CPAMD8: variants seen among roughly 807,000 people sequenced by gnomAD.
CPAMD8 encodes C3 and PZP like alpha-2-macroglobulin domain containing 8, also known as C3 and PZP-like alpha-2-macroglobulin domain-containing protein 8.
A neutral mutation model predicts 224.7 loss-of-function variants in CPAMD8; 146 were observed. The ratio of observed to expected loss-of-function variants is 0.65; its 90% confidence interval spans 0.57 to 0.75. The LOEUF is 0.75. CPAMD8 is among the 30% of genes least tolerant of loss of function. CPAMD8 has a pLI of 0.00. For missense variants in CPAMD8, 2,301 were observed against 2,537.5 expected (o/e 0.91, Z 2.00); for synonymous variants, 966 against 1,044.6 (o/e 0.92, Z 1.45).
intron 29 of CPAMD8, among the ~76,000 whole-genome samples, chr19:16,911,075 A>G (rs1003216229): frequency 1.3e-5 from 2 of 152,212 alleles, no homozygotes; most frequent in African/African-American, 2.4e-5. Flanking sequence ...TGAAGACAGC[A>G]GGTTTTGCCT....
intron 23 of CPAMD8, among the ~76,000 whole-genome samples, chr19:16,936,341 C>T (rs1265352640): frequency 1.3e-5 from 2 of 152,012 alleles, no homozygotes; most frequent in South Asian, 4.2e-4. Flanking sequence ...GTGCAATTTG[C>T]CATCTGTATG....
Position 16,895,903 on chromosome 19 carries a change from G to GCACA in CPAMD8, c.5426+269_5426+272dup, listed in dbSNP as rs57280906. 557 of 524,718 alleles carry GCACA rather than the reference G, an allele frequency of 1.1e-3. 1 individual carries two copies. The highest frequency in any genetic ancestry group is 3.0e-3 in the South Asian group (180 of 60,458). The allele number at this position is 524,718 out of a possible 1,614,324, so 32.5% of individuals were successfully genotyped here. A position where few individuals can be genotyped will look rare whatever the true frequency, so the allele number is the denominator to read the frequency against. On this transcript the variant is annotated intron_variant, in intron 41 of 41. Coordinates refer to ENST00000443236, the MANE Select transcript of CPAMD8 (RefSeq NM_015692.5). ...CCCGTATGCGCGCGCGCGCGCGCACGCACACACACACACACACACACACAC... is the reference window on the plus strand; with the variant it reads ...CCCGTATGCGCGCGCGCGCGCGCACGCACACACACACACACACACACACACACAC...
At chr19:16,925,698 TC>T (rs1157639540) in intron 25 of CPAMD8, among the ~76,000 whole-genome samples, 1 of 152,210 alleles carries the variant, frequency 6.6e-6, no homozygotes, top group Non-Finnish European at 1.5e-5. Context: ...TTTGGTTGCA[TC>T]CTACAAATAT....
chr19:17,009,875 C>T (rs2056601238), intron 5 of CPAMD8, among the ~76,000 whole-genome samples: 1 of 152,162 alleles, frequency 6.6e-6, no homozygotes, highest in Admixed American at 6.6e-5. Flanking sequence ...TGGGTGCCTC[C>T]TGATACAAGG....
At chr19:16,991,234 C>T (rs1022944670) in intron 12 of CPAMD8, among the ~76,000 whole-genome samples, 6 of 152,172 alleles carry the variant, frequency 3.9e-5, no homozygotes, top group Admixed American at 2.0e-4. Flanking sequence ...GCCCAGACCT[C>T]ACCCTATGCA....
At chr19:17,010,138 A>G (rs2056607034) in intron 5 of CPAMD8, among the ~76,000 whole-genome samples, 1 of 152,200 alleles carries the variant, frequency 6.6e-6, no homozygotes, top group African/African-American at 2.4e-5. Flanking sequence ...CAGCAAAGAA[A>G]CATGCTATAA....
At chr19:17,001,320 GAAAAA>G (rs1170361586) in intron 9 of CPAMD8, among the ~76,000 whole-genome samples, 2 of 42,462 alleles carry the variant, frequency 4.7e-5, no homozygotes, top group South Asian at 8.8e-4. Flanking sequence ...GACTCCGTCT[GAAAAA>G]AAAAAAAAAA....
Position 16,928,078 on chromosome 19 carries a change from C to T in CPAMD8, c.3301G>A (p.Glu1101Lys), listed in dbSNP as rs368976585. ...TGTGGGACCCCCAGGGTGAAGGCCT[C>T]GCTGTAGCTCTCGTCCACCTCCATC... ...RKMEVDESYS[E>K]AFTLGVPHGA... Residue 1101 changes from glutamate (E) to lysine (K), a missense_variant, in exon 25 of 42, where the codon GAG (glutamate) becomes AAG (lysine). This residue lies in a region of CPAMD8 where 1,709 missense variants were observed against 1,753.2 expected (regional missense o/e 0.97). Transcript: ENST00000443236. The T allele has an allele frequency of 1.0e-4, 169 of 1,613,888 alleles. No individual in the cohort carries two copies. Among genetic ancestry groups the T allele is most frequent in the Middle Eastern group, 4.9e-4 (3 of 6,082 alleles).
intron 18 of CPAMD8, among the ~76,000 whole-genome samples, chr19:16,963,469 A>G (rs2054720544): frequency 1.3e-5 from 2 of 152,158 alleles, no homozygotes; most frequent in Admixed American, 6.6e-5. Flanking sequence ...ATGGTAAAGG[A>G]ATCAATTCAA....
At chr19:17,002,455 C>G (rs979685314) in intron 8 of CPAMD8, 105 bp from the exon 9 acceptor site, 4 of 722,810 alleles carry the variant, frequency 5.5e-6, no homozygotes, top group Admixed American at 4.3e-5. Context: ...ACCTGGCCAC[C>G]ACCGAGGTTG....
chr19:16,999,347 G>A (rs59135513), intron 10 of CPAMD8, among the ~76,000 whole-genome samples: 8,698 of 152,036 alleles, frequency 0.057, 285 homozygotes, highest in African/African-American at 0.088. Context: ...TTGGGAGGCC[G>A]AGGCAGGTGG....
At chr19:16,896,112 G>A in intron 41 of CPAMD8, 64 bp downstream of exon 41, 4 of 1,584,422 alleles carry the variant, frequency 2.5e-6, no homozygotes, top group Non-Finnish European at 3.5e-6. Context: ...GAGGTTGGTA[G>A]GGGAGGGAGG....
chr19:17,005,709 G>A (rs903287307), intron 7 of CPAMD8, among the ~76,000 whole-genome samples: 8 of 152,268 alleles, frequency 5.3e-5, no homozygotes, highest in Non-Finnish European at 1.0e-4. Flanking sequence ...TGGGTCTCAC[G>A]ACAGAACCGA....
chr19:16,947,420 C>A (rs933260526), intron 20 of CPAMD8, among the ~76,000 whole-genome samples, 193 bp from the exon 21 acceptor site: 19 of 152,196 alleles, frequency 1.2e-4, no homozygotes, highest in African/African-American at 4.6e-4. Context: ...TGGTGCCCCA[C>A]TTGGCCTTCT....
At chr19:16,919,430 C>T (rs1400283460) in intron 27 of CPAMD8, among the ~76,000 whole-genome samples, 2 of 152,100 alleles carry the variant, frequency 1.3e-5, no homozygotes, top group Admixed American at 1.3e-4. Flanking sequence ...TGTGAGGGAG[C>T]CAATTTGGAA....
intron 10 of CPAMD8, among the ~76,000 whole-genome samples, chr19:16,999,542 G>C (rs924320576): frequency 3.9e-4 from 57 of 146,970 alleles, no homozygotes; most frequent in Middle Eastern, 3.6e-3. Flanking sequence ...CCGAGATCAC[G>C]CCATTGCACT....
At chr19:16,994,004 G>A (rs556826720) in intron 11 of CPAMD8, among the ~76,000 whole-genome samples, 13 of 152,322 alleles carry the variant, frequency 8.5e-5, no homozygotes, top group Admixed American at 2.6e-4. Flanking sequence ...TCAGGAGGCT[G>A]AGGTGGGAGG....
chr19:16,939,901 GTTTT>G (rs951268272), intron 22 of CPAMD8, among the ~76,000 whole-genome samples: 1 of 151,030 alleles, frequency 6.6e-6, no homozygotes, highest in African/African-American at 2.4e-5. Context: ...GTTGTTTTGG[GTTTT>G]TTTTGTTTTT....
chr19:16,904,356 G>C lies in CPAMD8; in HGVS notation c.4121C>G (p.Ser1374Trp). The C allele has an allele frequency of 6.2e-7, 1 of 1,614,012 alleles. No individual in the cohort carries two copies. Among genetic ancestry groups the C allele is most frequent in the South Asian group, 1.1e-5 (1 of 91,088 alleles). Residue 1374 changes from serine (S) to tryptophan (W), a missense_variant, in exon 32 of 42, where the codon TCG becomes TGG. Around this residue, in one of 4 missense-constraint regions of CPAMD8, gnomAD observed 1,709 missense variants for 1,753.2 expected, o/e 0.97. Transcript: ENST00000443236. ...GTAGGCTGTCATTTCCACCTCGGCC[G>C]AGACCACTGCAATGGAAGAGGCCCA... ...FSDRVSQSVVSAEVEMTAYAL... is the reference protein window; with the variant it reads ...FSDRVSQSVVWAEVEMTAYAL...
Sources: gnomAD v4.1 joint callset for allele counts (sites outside exome capture counted in the v4.1 genomes callset) on GRCh38, gnomAD v4.1.1 for gene constraint, gnomAD v4.1.1 regional missense constraint, MANE v1.5 for transcripts, NCBI Gene and HGNC (gene_info 2026-07-23, HGNC 2026-07-21) for gene names.